CIAO3: variants seen among roughly 807,000 people sequenced by gnomAD.
The protein encoded by CIAO3 is LET1 like/JFP15.
In CIAO3, 45 loss-of-function variants were observed where a neutral mutation model predicts 51.5. That is an observed-to-expected ratio of 0.87 (90% CI 0.69 to 1.12). The LOEUF (loss-of-function observed/expected upper bound fraction) is 1.12. CIAO3 is among the 50% of genes most tolerant of loss of function. The pLI is 0.00. For synonymous variants in CIAO3, 314 were observed against 269.3 expected (o/e 1.17, Z -1.63); for missense variants, 668 against 632.5 (o/e 1.06, Z -0.60).
intron 8 of CIAO3, chr16:732,072 T>G: frequency 1.8e-6 from 1 of 565,326 alleles, no homozygotes; most frequent in Middle Eastern, 4.9e-4. Context: ...GAGATGAGGT[T>G]TCACCATGTT....
intron 6 of CIAO3, 41 bp downstream of exon 6, chr16:734,188 C>G (rs757821321): frequency 3.8e-6 from 6 of 1,574,384 alleles, no homozygotes; most frequent in Admixed American, 3.3e-5. Flanking sequence ...CACTTCTGGC[C>G]GCTCCCCAGC....
intron 2 of CIAO3, among the ~76,000 whole-genome samples, chr16:739,134 A>G (rs1025124444): frequency 6.6e-6 from 1 of 151,486 alleles, no homozygotes; most frequent in Admixed American, 6.6e-5. Flanking sequence ...CGTCTCTACT[A>G]AAAATACAAA....
At chr16:734,448 G>C in intron 5 of CIAO3, 101 bp from the exon 6 acceptor site, 1 of 904,152 alleles carries the variant, frequency 1.1e-6, no homozygotes, top group Non-Finnish European at 1.7e-6. Context: ...GCTCATACAG[G>C]AGATCATGAT....
intron 4 of CIAO3, among the ~76,000 whole-genome samples, chr16:736,009 TA>T (rs1384688410): frequency 2.0e-5 from 3 of 152,108 alleles, no homozygotes; most frequent in Admixed American, 2.0e-4. Flanking sequence ...TATTATCAGC[TA>T]AAAAGTACAA....
At chr16:738,283 T>C in intron 2 of CIAO3, 1 of 986,570 alleles carries the variant, frequency 1.0e-6, no homozygotes, top group South Asian at 4.7e-5. Flanking sequence ...CTTGGTGCAG[T>C]GGTTCATGAG....
intron 2 of CIAO3, among the ~76,000 whole-genome samples, chr16:739,160 G>A (rs538839166): frequency 6.6e-5 from 10 of 151,886 alleles, no homozygotes; most frequent in Non-Finnish European, 4.4e-5. Flanking sequence ...TTAGCTGGGC[G>A]TGGTGGTGGC....
chr16:737,815 G>A lies in CIAO3; in HGVS notation c.163-486C>T, dbSNP rs143475450. On this transcript the variant is annotated intron_variant, in intron 2 of 10. Coordinates refer to ENST00000251588, the MANE Select transcript of CIAO3 (RefSeq NM_022493.3). The surrounding 1 kb of genome is among the most constrained non-coding windows in gnomAD (Gnocchi z 5.3). ...TCCGGTGGGCGGGGCAGAAACAACC[G>A]TCAGACTCGCCAAACAGATGCAGGA... 7 of 1,193,314 alleles carry A rather than the reference G, an allele frequency of 5.9e-6. No individual in the cohort carries two copies. Among genetic ancestry groups the A allele is most frequent in the Non-Finnish European group, 7.4e-6 (7 of 943,112 alleles). 73.9% of individuals were successfully genotyped at this position (1,193,314 alleles called of 1,614,324 possible).
chr16:740,006 C>T (rs1328529400), intron 1 of CIAO3: 14 of 1,462,440 alleles, frequency 9.6e-6, no homozygotes, highest in Non-Finnish European at 1.3e-5. Context: ...CCTGCGGAGA[C>T]ACCACCAACA....
chr16:734,518 C>T (rs993302124), intron 5 of CIAO3, 171 bp from the exon 6 acceptor site: 4 of 910,080 alleles, frequency 4.4e-6, no homozygotes, highest in Non-Finnish European at 7.0e-6. Flanking sequence ...GGCGTGCAGG[C>T]GACACCGCCT....
At chr16:736,518 C>CT (rs57355119) in intron 3 of CIAO3, 120 bp from the exon 4 acceptor site, 23,799 of 980,206 alleles carry the variant, frequency 0.024, 1 homozygote, top group Non-Finnish European at 0.026. Flanking sequence ...CATCAAGAGT[C>CT]TTTTTTTTTT....
intron 2 of CIAO3, chr16:739,327 G>A (rs867152039): frequency 2.8e-6 from 1 of 361,074 alleles, no homozygotes; most frequent in Admixed American, 4.3e-5. Flanking sequence ...ACAAACAAAA[G>A]AACGAGGGGT....
Position 737,254 on chromosome 16 carries a change from A to G in CIAO3, c.238T>C (p.Ser80Pro), listed in dbSNP as rs766639779. The G allele has an allele frequency of 3.1e-6, 5 of 1,613,470 alleles. No homozygotes were observed. Among genetic ancestry groups the G allele is most frequent in the Non-Finnish European group, 4.2e-6 (5 of 1,180,006 alleles). ...TGGGTGATAAGCACGGTCTCTGCGG[A>G]GGTGATGCAGCCGCTGCACGCCAGG... is the stretch of plus-strand genomic sequence containing the variant. ...DCLACSGCIT[S>P]AETVLITQQS... The change falls in exon 3 of 11, where the codon TCC (serine) becomes CCC (proline). Residue 80 changes from serine to proline, a missense_variant. Coordinates refer to ENST00000251588, the MANE Select transcript of CIAO3 (RefSeq NM_022493.3). This position sits in a 1 kb window ranked among gnomAD's most constrained non-coding sequence, Gnocchi z 5.3.
intron 1 of CIAO3, 85 bp from the exon 2 acceptor site, chr16:739,823 C>G: frequency 7.1e-6 from 10 of 1,415,404 alleles, no homozygotes; most frequent in Non-Finnish European, 9.8e-6. Flanking sequence ...GGCTGCCCAG[C>G]CGCACAGCCT....
At position 737,121 on chromosome 16, in the gene CIAO3, C is replaced by A. The variant is rs774842000; in HGVS notation, c.306+65G>T. ...ACCACACGAGCTGCCCTTGGCAAAA[C>A]GCGTTGTCGGCTGCTGGGATGGATT... is the stretch of plus-strand genomic sequence containing the variant. On this transcript the variant is annotated intron_variant, in intron 3 of 10. Transcript: ENST00000251588. This position sits in a 1 kb window ranked among gnomAD's most constrained non-coding sequence, Gnocchi z 5.3. 6.2e-7 allele frequency: 1 copy of A among 1,600,292 alleles called. No homozygotes were observed. Among genetic ancestry groups the A allele is most frequent in the Non-Finnish European group, 8.6e-7 (1 of 1,169,338 alleles).
intron 6 of CIAO3, 27 bp from the exon 7 acceptor site, chr16:733,454 C>A: frequency 6.2e-7 from 1 of 1,612,882 alleles, no homozygotes; most frequent in Non-Finnish European, 8.5e-7. Flanking sequence ...ACACTTGTCT[C>A]CCCAATCCCA....
In CIAO3 at chr16:731,007, G is replaced by A. The variant is rs745942974; in HGVS notation, c.1035-7C>T. On this transcript the variant is annotated splice_region_variant and splice_polypyrimidine_tract_variant and intron_variant, in intron 9 of 10. Coordinates refer to ENST00000251588, the MANE Select transcript of CIAO3 (RefSeq NM_022493.3). ...CTCCTGGAAGTCTTTGTTCCTGGGG[G>A]GCACAGGCGGGGTTTGTCTACATGG... 8.7e-6 allele frequency: 14 copies of A among 1,612,450 alleles called. No individual in the cohort carries two copies. Among genetic ancestry groups the A allele is most frequent in the Admixed American group, 3.3e-5 (2 of 60,002 alleles).
intron 2 of CIAO3, chr16:738,518 T>TTTTTTTTTTATTTATTTTTA (rs2041361505): frequency 5.8e-6 from 1 of 171,300 alleles, no homozygotes; most frequent in African/African-American, 3.1e-5. Context: ...CAGCTAATTT[T>TTTTTTTTTTATTTATTTTTA]TTTTTTTGTA....
intron 2 of CIAO3, among the ~76,000 whole-genome samples, chr16:738,646 C>A (rs1303221543): frequency 6.6e-6 from 1 of 151,278 alleles, no homozygotes; most frequent in Non-Finnish European, 1.5e-5. Context: ...GCCACCGCGC[C>A]AGGCCCAGTT....
At chr16:733,038 C>A (rs910727862) in intron 7 of CIAO3, 3 of 479,036 alleles carry the variant, frequency 6.3e-6, no homozygotes, top group Non-Finnish European at 1.1e-5. Flanking sequence ...AGAATCTCTG[C>A]CCACCTCCAA....
Sources: allele counts gnomAD v4.1 joint callset (sites outside exome capture counted in the v4.1 genomes callset), GRCh38; gene constraint gnomAD v4.1.1; non-coding constraint Gnocchi (gnomAD v3.1); transcripts MANE v1.5; gene names NCBI Gene and HGNC (gene_info 2026-07-23, HGNC 2026-07-21).